VWF: variants seen among roughly 807,000 people sequenced by gnomAD.
VWF encodes the protein Factor VIII related antigen.
In VWF, 176 loss-of-function variants were observed where a neutral mutation model predicts 308.6. The observed-to-expected ratio is 0.57, with a 90% CI of 0.50 to 0.65. The LOEUF is 0.65. Among genes scored for constraint, VWF ranks in the 30% least tolerant of loss-of-function variants. The pLI, the probability that VWF is intolerant of heterozygous loss-of-function variation, is 0.00. For missense variants in VWF, 3,146 were observed against 3,648.2 expected (o/e 0.86, Z 3.55); for synonymous variants, 1,385 against 1,443.4 (o/e 0.96, Z 0.92).
chr12:6,046,840 C>A lies in VWF; in HGVS notation c.2187-23G>T, dbSNP rs377221888. The A allele has an allele frequency of 6.2e-7, 1 of 1,608,764 alleles. No homozygotes were observed. Among genetic ancestry groups the A allele is most frequent in the Non-Finnish European group, 8.5e-7 (1 of 1,176,208 alleles). On this transcript the variant is annotated intron_variant, in intron 16 of 51. Coordinates refer to ENST00000261405, the MANE Select transcript of VWF (RefSeq NM_000552.5). This position sits in a 1 kb window ranked among gnomAD's most constrained non-coding sequence, Gnocchi z 5.0. ...TAGCTGCAGAGAAGAAAATCATAGC[C>A]GAGCTTCACGAGACTCGTCTATACT...
At chr12:6,074,625 G>A (rs113382880) in intron 7 of VWF, among the ~76,000 whole-genome samples, 117 of 152,164 alleles carry the variant, frequency 7.7e-4, no homozygotes, top group African/African-American at 2.1e-3. Flanking sequence ...TGAGACACAC[G>A]TGTGCAGTGT....
rs1314931823 is a variant in VWF at position 5,964,258 on chromosome 12, A to ACATG, written c.7887+3227_7887+3228insCATG. Among the ~76,000 whole-genome samples the ACATG allele has an allele frequency of 1.8e-4, 27 of 146,088 alleles. 1 individual carries two copies. Among genetic ancestry groups the ACATG allele is most frequent in the African/African-American group, 5.9e-4 (21 of 35,862 alleles). On this transcript the variant is annotated intron_variant, in intron 47 of 51. Coordinates refer to ENST00000261405, the MANE Select transcript of VWF (RefSeq NM_000552.5). ...TACATACATACATACATGCATACAT[A>ACATG]CATACATACATACATGCATACATAC... is the stretch of plus-strand genomic sequence containing the variant.
At chr12:6,032,242 C>T (rs572663808) in intron 20 of VWF, among the ~76,000 whole-genome samples, 5 of 152,122 alleles carry the variant, frequency 3.3e-5, no homozygotes, top group Admixed American at 2.0e-4. Context: ...CAGAGTGTGT[C>T]GCTTGAACCC....
At position 6,052,771 on chromosome 12, in the gene VWF, G is replaced by T; in HGVS notation, c.1958C>A (p.Pro653Gln). 1 of 1,598,806 alleles carries T rather than the reference G, an allele frequency of 6.3e-7. No homozygotes were observed. Among genetic ancestry groups the T allele is most frequent in the Non-Finnish European group, 8.5e-7 (1 of 1,175,914 alleles). ...GCACTGCAGGTACACCTGGCCTTTC[G>T]GGCAGTTCAGCTCTAGAAGAGAGAG... ...REPGRCELNC[P>Q]KGQVYLQCGT... Residue 653 changes from proline (P) to glutamine (Q), a missense_variant, in exon 16 of 52, where the codon CCG (proline) becomes CAG (glutamine). This residue lies in a region of VWF where 1,304 missense variants were observed against 1,353.0 expected (regional missense o/e 0.96). Transcript: ENST00000261405.
At chr12:5,963,385 G>A (rs946021247) in intron 47 of VWF, among the ~76,000 whole-genome samples, 2 of 152,128 alleles carry the variant, frequency 1.3e-5, no homozygotes, top group Non-Finnish European at 2.9e-5. Flanking sequence ...AGCCAACAGA[G>A]AAATGCAAAT....
At chr12:6,027,886 C>T (rs1678974438) in intron 22 of VWF, among the ~76,000 whole-genome samples, 1 of 119,938 alleles carries the variant, frequency 8.3e-6, no homozygotes, top group South Asian at 3.0e-4. Flanking sequence ...ACACACACCC[C>T]TAAACAAAAA....
At chr12:5,962,115 G>T (rs1473650625) in intron 47 of VWF, among the ~76,000 whole-genome samples, 3 of 152,166 alleles carry the variant, frequency 2.0e-5, no homozygotes, top group African/African-American at 7.2e-5. Flanking sequence ...CTCCAGAACA[G>T]TGAAAAAATT....
intron 34 of VWF, among the ~76,000 whole-genome samples, chr12:5,996,734 G>A (rs955151797): frequency 1.8e-5 from 2 of 111,184 alleles, no homozygotes; most frequent in Non-Finnish European, 3.4e-5. Flanking sequence ...TCGCACAGGA[G>A]AAATATTTCC....
rs775876479 is a variant in VWF at position 5,994,614 on chromosome 12, A to C, written c.6064-7T>G. On this transcript the variant is annotated splice_region_variant and splice_polypyrimidine_tract_variant and intron_variant, in intron 35 of 51. Coordinates refer to ENST00000261405, the MANE Select transcript of VWF (RefSeq NM_000552.5). ...GTCTCCCATTCACCGTCACCTGCACAAAGAAGAAAGAGCTCATCCGTAGTC... is the reference window on the plus strand; with the variant it reads ...GTCTCCCATTCACCGTCACCTGCACCAAGAAGAAAGAGCTCATCCGTAGTC... 3.1e-6 allele frequency: 5 copies of C among 1,613,844 alleles called. No homozygotes were observed. Among genetic ancestry groups the C allele is most frequent in the Non-Finnish European group, 4.2e-6 (5 of 1,179,744 alleles).
chr12:6,079,373 A>G (rs922326251), intron 6 of VWF, among the ~76,000 whole-genome samples: 4 of 152,140 alleles, frequency 2.6e-5, no homozygotes, highest in Admixed American at 2.0e-4. Flanking sequence ...TTTGGAGGCC[A>G]AGGCGGGCGG....
At chr12:6,017,024 T>C (rs1350036374) in intron 28 of VWF, among the ~76,000 whole-genome samples, 154 bp from the exon 29 acceptor site, 2 of 152,080 alleles carry the variant, frequency 1.3e-5, no homozygotes, top group African/African-American at 4.8e-5. Flanking sequence ...ACAAGGGCAA[T>C]GTGGGCCAGG....
intron 18 of VWF, among the ~76,000 whole-genome samples, chr12:6,041,488 G>A (rs1327865801): frequency 2.0e-5 from 3 of 151,180 alleles, no homozygotes; most frequent in African/African-American, 4.9e-5. Context: ...TCGCTCTGTC[G>A]CTCAGGCTGG....
At chr12:6,072,870 C>CT (rs11386491) in intron 8 of VWF, among the ~76,000 whole-genome samples, 132,169 of 146,460 alleles carry the variant, frequency 0.9, 59,688 homozygotes, top group East Asian at 0.99. Flanking sequence ...CTCTCAATAA[C>CT]TTTTTTTTTT....
chr12:6,018,629 G>T lies in VWF; in HGVS notation c.4789C>A (p.Arg1597=), dbSNP rs61750117. The T allele has an allele frequency of 6.2e-7, 1 of 1,614,028 alleles. No individual in the cohort carries two copies. Among genetic ancestry groups the T allele is most frequent in the East Asian group, 2.2e-5 (1 of 44,872 alleles). Residue 1597 remains arginine, a synonymous_variant, in exon 28 of 52, where the codon CGG becomes AGG. Coordinates refer to ENST00000261405, the MANE Select transcript of VWF (RefSeq NM_000552.5). ...DHSFLVSQGD[R]EQAPNLVYMV... ...TAGACCAGGTTGGGCGCCTGCTCCC[G>T]GTCACCCTGGCTGACCAAGAAGCTG...
chr12:6,109,273 A>T (rs1401442683), intron 5 of VWF, among the ~76,000 whole-genome samples: 1 of 150,182 alleles, frequency 6.7e-6, no homozygotes, highest in Non-Finnish European at 1.5e-5. Flanking sequence ...ATATACATAT[A>T]TATACACACA....
chr12:5,973,246 G>A (rs749271858), intron 43 of VWF, among the ~76,000 whole-genome samples: 2 of 151,860 alleles, frequency 1.3e-5, no homozygotes, highest in East Asian at 3.9e-4. Flanking sequence ...CGCTTATATC[G>A]ACATTTGATA....
intron 41 of VWF, 62 bp downstream of exon 41, chr12:5,983,088 T>C: frequency 6.6e-7 from 1 of 1,507,062 alleles, no homozygotes; most frequent in Non-Finnish European, 9.1e-7. Flanking sequence ...CTGAGGAGGA[T>C]GGCCTCCCTC....
At position 5,993,916 on chromosome 12, in the gene VWF, G is replaced by A; in HGVS notation, c.6544C>T (p.His2182Tyr). 6.2e-7 allele frequency: 1 copy of A among 1,613,934 alleles called. No homozygotes were observed. Among genetic ancestry groups the A allele is most frequent in the Non-Finnish European group, 8.5e-7 (1 of 1,180,002 alleles). Residue 2182 changes from histidine (H) to tyrosine (Y), a missense_variant, in exon 37 of 52, where the codon CAC becomes TAC. Transcript: ENST00000261405. ...CAGACCCCGTTGGTCCGACAGAGGT[G>A]GGCATAAGAGGCGATCACCTCACAC... is the stretch of plus-strand genomic sequence containing the variant. ...QVCEVIASYA[H>Y]LCRTNGVCVD...
chr12:6,006,707 A>G (rs1425752444), intron 34 of VWF, among the ~76,000 whole-genome samples: 1 of 152,162 alleles, frequency 6.6e-6, no homozygotes, highest in Non-Finnish European at 1.5e-5. Context: ...TGAACCCGGG[A>G]GGCAGAGGTT....
Sources: gnomAD v4.1 joint callset for allele counts (sites outside exome capture counted in the v4.1 genomes callset) on GRCh38, gnomAD v4.1.1 for gene constraint, gnomAD v4.1.1 regional missense constraint, Gnocchi (gnomAD v3.1) non-coding constraint, MANE v1.5 for transcripts, NCBI Gene and HGNC (gene_info 2026-07-23, HGNC 2026-07-21) for gene names.